Variants in CACHD1 observed in about 807,000 individuals in gnomAD.
CACHD1 encodes cache domain containing 1, also known as VWFA and cache domain-containing protein 1.
CACHD1 carries 71 observed loss-of-function variants against 138.7 expected under a neutral mutation model. The observed-to-expected ratio is 0.51, with a 90% CI of 0.42 to 0.62. The LOEUF (loss-of-function observed/expected upper bound fraction) is 0.62, where lower values mean the gene tolerates loss of function less well. CACHD1 is among the 20% of genes least tolerant of loss of function. The probability of loss-of-function intolerance (pLI) is 0.00; values close to 1 mark genes in which losing one functional copy is unlikely to be tolerated. For synonymous variants in CACHD1, 578 were observed against 591.5 expected, an observed-to-expected ratio of 0.98 and a Z score of 0.33; for missense variants, 1,389 against 1,625.3, an observed-to-expected ratio of 0.85 and a Z score of 2.50.
intron 2 of CACHD1, among the ~76,000 whole-genome samples, chr1:64,570,562 G>A (rs1646919140): frequency 6.6e-6 from 1 of 152,244 alleles, no homozygotes; most frequent in East Asian, 1.9e-4. Flanking sequence ...CCAATAGAAA[G>A]CAGGCATGCC....
chr1:64,643,626 G>A (rs1648803451), intron 8 of CACHD1, among the ~76,000 whole-genome samples: 1 of 152,280 alleles, frequency 6.6e-6, no homozygotes, highest in African/African-American at 2.4e-5. Flanking sequence ...CACGAGGTCA[G>A]GAGATCAAGA....
rs1247928932 is a variant in CACHD1 at position 64,679,603 on chromosome 1, G to T, written c.3253G>T (p.Val1085Leu). The change falls in exon 24 of 27, where the codon GTG becomes TTG. Residue 1085 changes from valine (V) to leucine (L), a missense_variant. By Grantham distance (32) the Val-to-Leu change is conservative. Coordinates refer to ENST00000651257, the MANE Select transcript of CACHD1 (RefSeq NM_020925.4). The part of the protein sequence containing the change: ...VDDMGAIGDE[V>L]ITLNMIKSAP... ...TTGCTCTTTCACTGAAGGTGATGAG[G>T]TGATCACATTAAACATGATTAAAAG... 4.3e-6 allele frequency: 7 copies of T among 1,614,160 alleles called. No homozygotes were observed. The highest frequency in any genetic ancestry group is 5.9e-6 in the Non-Finnish European group (7 of 1,180,000).
intron 2 of CACHD1, among the ~76,000 whole-genome samples, chr1:64,580,307 G>C (rs1194162252): frequency 6.6e-6 from 1 of 152,106 alleles, no homozygotes; most frequent in Non-Finnish European, 1.5e-5. Flanking sequence ...CCTATTGACT[G>C]AATTACAAAT....
At chr1:64,622,324 G>A (rs1647941067) in intron 4 of CACHD1, among the ~76,000 whole-genome samples, 1 of 152,198 alleles carries the variant, frequency 6.6e-6, no homozygotes, top group Non-Finnish European at 1.5e-5. Context: ...GCAGTAGCTT[G>A]TGTCTGTGCG....
intron 2 of CACHD1, among the ~76,000 whole-genome samples, chr1:64,554,217 T>C (rs1646780362): frequency 6.6e-6 from 1 of 152,174 alleles, no homozygotes; most frequent in South Asian, 2.1e-4. Context: ...TTTATTCTAA[T>C]GTTTTGATTT....
At chr1:64,620,675 G>A (rs2100614769) in intron 4 of CACHD1, among the ~76,000 whole-genome samples, 1 of 152,250 alleles carries the variant, frequency 6.6e-6, no homozygotes, top group South Asian at 2.1e-4. Flanking sequence ...TGGAAGGTAT[G>A]AGACCTACCA....
At chr1:64,674,247 A>G (rs1222886897) in intron 19 of CACHD1, among the ~76,000 whole-genome samples, 1 of 152,234 alleles carries the variant, frequency 6.6e-6, no homozygotes. Context: ...ATATGTTAAT[A>G]GAATGGTGTG....
chr1:64,477,589 TTATTA>T, intron 1 of CACHD1, among the ~76,000 whole-genome samples: 3 of 131,068 alleles, frequency 2.3e-5, no homozygotes, highest in Middle Eastern at 8.5e-3. Flanking sequence ...CCCCAGATTA[TTATTA>T]TTATTATTAT....
chr1:64,645,135 T>G (rs1648861413), intron 8 of CACHD1, among the ~76,000 whole-genome samples: 1 of 151,926 alleles, frequency 6.6e-6, no homozygotes, highest in Non-Finnish European at 1.5e-5. Flanking sequence ...CTACAGGAGA[T>G]AAGAGACTGG....
chr1:64,533,683 A>G (rs1009123105), intron 1 of CACHD1, among the ~76,000 whole-genome samples: 15 of 151,752 alleles, frequency 9.9e-5, no homozygotes, highest in African/African-American at 3.6e-4. Flanking sequence ...AATACTATAC[A>G]TGATGTGTTC....
chr1:64,474,985 C>T (rs1439096754), intron 1 of CACHD1, among the ~76,000 whole-genome samples: 1 of 152,160 alleles, frequency 6.6e-6, no homozygotes, highest in African/African-American at 2.4e-5. Context: ...GAAGCAAGAA[C>T]TGGAGCTTCA....
chr1:64,487,940 A>G (rs1434293726), intron 1 of CACHD1, among the ~76,000 whole-genome samples: 3 of 152,226 alleles, frequency 2.0e-5, no homozygotes, highest in Non-Finnish European at 4.4e-5. Context: ...AATATGTTTT[A>G]TAGATAGAAC....
intron 6 of CACHD1, among the ~76,000 whole-genome samples, chr1:64,633,225 T>C (rs1008673383): frequency 6.6e-6 from 1 of 152,188 alleles, no homozygotes; most frequent in Non-Finnish European, 1.5e-5. Flanking sequence ...AGTCAAACCA[T>C]TGTATGTCAG....
At chr1:64,608,224 A>G (rs1647400235) in intron 4 of CACHD1, among the ~76,000 whole-genome samples, 1 of 152,206 alleles carries the variant, frequency 6.6e-6, no homozygotes, top group Non-Finnish European at 1.5e-5. Flanking sequence ...GTTTTGCAAC[A>G]TTCTACTAGG....
At chr1:64,654,475 A>C (rs1649198889) in intron 11 of CACHD1, among the ~76,000 whole-genome samples, 2 of 152,204 alleles carry the variant, frequency 1.3e-5, no homozygotes, top group Non-Finnish European at 2.9e-5. Context: ...GTTGGGGAGC[A>C]AGGATGGAGA....
chr1:64,585,313 G>A (rs1647043192), intron 3 of CACHD1, among the ~76,000 whole-genome samples: 1 of 152,204 alleles, frequency 6.6e-6, no homozygotes, highest in African/African-American at 2.4e-5. Flanking sequence ...TGAGATAAGG[G>A]TTCAGGTCTG....
intron 1 of CACHD1, among the ~76,000 whole-genome samples, chr1:64,538,065 A>C (rs925466154): frequency 1.3e-5 from 2 of 152,214 alleles, no homozygotes; most frequent in African/African-American, 4.8e-5. Flanking sequence ...GAGTCATGGC[A>C]TGTGGTGCTG....
chr1:64,505,320 C>T (rs1220458767), intron 1 of CACHD1, among the ~76,000 whole-genome samples: 2 of 151,728 alleles, frequency 1.3e-5, no homozygotes, highest in Non-Finnish European at 1.5e-5. Context: ...ACAGGCATTA[C>T]TGTCAGGGTG....
At chr1:64,605,125 C>A (rs905471185) in intron 4 of CACHD1, among the ~76,000 whole-genome samples, 1 of 151,670 alleles carries the variant, frequency 6.6e-6, no homozygotes, top group East Asian at 2.0e-4. Context: ...CACCACCGAC[C>A]GGCTAATTTT....
Sources: allele counts gnomAD v4.1 joint callset (sites outside exome capture counted in the v4.1 genomes callset), GRCh38; gene constraint gnomAD v4.1.1; transcripts MANE v1.5; gene names NCBI Gene and HGNC (gene_info 2026-07-23, HGNC 2026-07-21).